MREG: variants seen among roughly 807,000 people sequenced by gnomAD.
The protein encoded by MREG is dilute suppressor protein homolog.
Under a neutral mutation model 28.5 loss-of-function variants are expected in MREG, and 31 were observed. The ratio of observed to expected loss-of-function variants is 1.09; its 90% CI spans 0.82 to 1.47. The LOEUF is 1.47. Among genes scored for constraint, MREG ranks in the 40% most tolerant of loss-of-function variants. The pLI, the probability that MREG is intolerant of heterozygous loss-of-function variation, is 0.00. For synonymous variants in MREG, 106 were observed against 95.2 expected (o/e 1.11, Z -0.66); for missense variants, 256 against 257.4 (o/e 0.99, Z 0.04).
At chr2:216,002,899 C>A (rs1475192060) in intron 1 of MREG, among the ~76,000 whole-genome samples, 2 of 150,780 alleles carry the variant, frequency 1.3e-5, no homozygotes, top group Admixed American at 1.3e-4. Context: ...CTTTCTGTCT[C>A]TCTTCTCTCT....
At chr2:215,980,363 A>C (rs566063172) in intron 2 of MREG, among the ~76,000 whole-genome samples, 2 of 152,342 alleles carry the variant, frequency 1.3e-5, no homozygotes, top group African/African-American at 4.8e-5. Context: ...AGGCCTGGTC[A>C]TCACAACCTA....
chr2:215,941,357 C>A (rs1490655682), downstream of MREG, among the ~76,000 whole-genome samples: 1 of 152,102 alleles, frequency 6.6e-6, no homozygotes, highest in Non-Finnish European at 1.5e-5. Context: ...ATTCAGTGGA[C>A]CTAGTGTTAA....
intron 2 of MREG, among the ~76,000 whole-genome samples, chr2:215,960,872 G>C (rs1046009067): frequency 3.9e-5 from 6 of 152,008 alleles, no homozygotes; most frequent in Non-Finnish European, 8.8e-5. Flanking sequence ...AATTAAAAAA[G>C]CACCTGGGCC....
In MREG at chr2:215,943,970, C is replaced by CTTTTTTTTTTTTT. The variant is rs869259776; in HGVS notation, c.*880_*892dup. ...AAGTACAACACATGAATACATAACT[C>CTTTTTTTTTTTTT]TTTTTTTTTTTTTTTTTTTTTTTTT... On this transcript the variant is annotated 3_prime_UTR_variant, in exon 5 of 5. Transcript: ENST00000263268. The CTTTTTTTTTTTTT allele has an allele frequency of 2.9e-4, 19 of 65,252 alleles. 3 individuals are homozygous for CTTTTTTTTTTTTT. Among genetic ancestry groups the CTTTTTTTTTTTTT allele is most frequent in the African/African-American group, 1.2e-3 (19 of 15,242 alleles). The allele number at this position is 65,252 out of a possible 1,614,324, so 4.0% of individuals were successfully genotyped here. A position where few individuals can be genotyped will look rare whatever the true frequency, so the allele number is the denominator to read the frequency against.
intron 2 of MREG, among the ~76,000 whole-genome samples, chr2:215,953,568 T>C (rs559611191): frequency 1.3e-5 from 2 of 152,304 alleles, no homozygotes; most frequent in African/African-American, 4.8e-5. Flanking sequence ...CAATGTGATA[T>C]GAAGGTGCAA....
intron 4 of MREG, 25 bp downstream of exon 4, chr2:215,945,546 C>A (rs765087884): frequency 1.4e-5 from 23 of 1,599,182 alleles, no homozygotes; most frequent in Non-Finnish European, 2.0e-5. Context: ...AAAATTAGGG[C>A]AAATGAAAAA....
At position 215,975,156 on chromosome 2, in the gene MREG, G is replaced by C. The variant is rs148790371; in HGVS notation, c.255+21150C>G. On this transcript the variant is annotated intron_variant, in intron 2 of 4. Transcript: ENST00000263268. ...CCACAAATCTTATCATTGTACATTA[G>C]CATATACATGCTTTTACACAAATGG... is the stretch of plus-strand genomic sequence containing the variant. 2.9e-3 allele frequency among the ~76,000 whole-genome samples: 447 copies of C among 151,778 alleles called. 1 individual carries two copies. Among genetic ancestry groups the C allele is most frequent in the Non-Finnish European group, 4.5e-3 (308 of 67,920 alleles).
At chr2:215,940,662 C>T (rs908839473), downstream of MREG, among the ~76,000 whole-genome samples, 3 of 152,072 alleles carry the variant, frequency 2.0e-5, no homozygotes, top group Admixed American at 6.5e-5. Context: ...CAGTTGGGTT[C>T]CCTGAGGGAA....
At chr2:216,008,596 G>A (rs1011087996) in intron 1 of MREG, among the ~76,000 whole-genome samples, 1 of 152,202 alleles carries the variant, frequency 6.6e-6, no homozygotes, top group Admixed American at 6.5e-5. Context: ...TGCAGGCAAT[G>A]AATGGACAGA....
chr2:215,960,795 C>T (rs2105979394), intron 2 of MREG, among the ~76,000 whole-genome samples: 1 of 152,166 alleles, frequency 6.6e-6, no homozygotes, highest in African/African-American at 2.4e-5. Flanking sequence ...GATCGGGCCA[C>T]TGCACTCCAG....
chr2:216,020,667 G>C (rs1694506577), intron 1 of MREG, among the ~76,000 whole-genome samples: 2 of 152,228 alleles, frequency 1.3e-5, no homozygotes, highest in African/African-American at 2.4e-5. Context: ...AAGGGGAATG[G>C]ATACTGGCAG....
intron 2 of MREG, among the ~76,000 whole-genome samples, chr2:215,957,476 G>C (rs930553910): frequency 3.9e-5 from 6 of 152,046 alleles, no homozygotes; most frequent in African/African-American, 1.2e-4. Context: ...CATCTCTCAA[G>C]GAGTTTGACG....
chr2:215,979,126 T>C (rs1028312604), intron 2 of MREG, among the ~76,000 whole-genome samples: 1 of 152,196 alleles, frequency 6.6e-6, no homozygotes, highest in Admixed American at 6.5e-5. Flanking sequence ...TACATTTTTT[T>C]CTACAAAGTT....
intron 2 of MREG, among the ~76,000 whole-genome samples, chr2:215,982,653 G>C (rs756986413): frequency 6.6e-5 from 10 of 152,026 alleles, no homozygotes; most frequent in Non-Finnish European, 1.3e-4. Flanking sequence ...TAACTGCTTG[G>C]GAACTTTGTC....
At chr2:216,031,996 C>T (rs2105936345) in intron 1 of MREG, among the ~76,000 whole-genome samples, 1 of 152,366 alleles carries the variant, frequency 6.6e-6, no homozygotes, top group African/African-American at 2.4e-5. Context: ...GGCTGTTCCT[C>T]TCTTCTTGGT....
intron 2 of MREG, among the ~76,000 whole-genome samples, chr2:215,994,420 G>A (rs974171111): frequency 1.3e-5 from 2 of 151,778 alleles, no homozygotes; most frequent in Admixed American, 6.6e-5. Context: ...CAGGGGGTGG[G>A]GGCCTAGGGG....
intron 1 of MREG, among the ~76,000 whole-genome samples, chr2:216,006,325 G>A (rs757505182): frequency 5.3e-5 from 8 of 152,182 alleles, no homozygotes; most frequent in African/African-American, 1.4e-4. Flanking sequence ...CCTCCTACGC[G>A]TTGGGCCTAA....
In MREG at chr2:215,998,317, AAAAAATAAT is replaced by A. The variant is rs1323131371; in HGVS notation, c.96-1861_96-1853del. Among the ~76,000 whole-genome samples, 17 of 146,582 alleles carry A rather than the reference AAAAAATAAT, an allele frequency of 1.2e-4. No individual in the cohort carries two copies. The South Asian group carries it at 3.6e-3, about 31-fold the overall frequency. Reference sequence around the variant, plus strand: ...CAAAACTCCATCTCACAAAAAAAAAAAAAAATAATAATAATAATAATAATAATAATTGGG... The same window carrying A: ...CAAAACTCCATCTCACAAAAAAAAAAAATAATAATAATAATAATAATTGGG... On this transcript the variant is annotated intron_variant, in intron 1 of 4. Transcript: ENST00000263268.
At chr2:215,987,783 A>G (rs576792728) in intron 2 of MREG, among the ~76,000 whole-genome samples, 6 of 152,242 alleles carry the variant, frequency 3.9e-5, no homozygotes, top group African/African-American at 1.2e-4. Flanking sequence ...CATGCCTGTA[A>G]TCCTAGTTAC....
Sources: gnomAD v4.1 joint callset for allele counts (sites outside exome capture counted in the v4.1 genomes callset) on GRCh38, gnomAD v4.1.1 for gene constraint, MANE v1.5 for transcripts, NCBI Gene and HGNC (gene_info 2026-07-23, HGNC 2026-07-21) for gene names.